Variants in RPH3A observed in about 807,000 individuals in gnomAD.
RPH3A encodes rabphilin-3A.
A neutral mutation model predicts 102.2 loss-of-function variants in RPH3A; 48 were observed. The observed-to-expected ratio is 0.47, with a 90% confidence interval of 0.37 to 0.60. RPH3A has a LOEUF of 0.60. Among genes scored for constraint, RPH3A ranks in the 20% least tolerant of loss-of-function variants. The probability of loss-of-function intolerance (pLI) is 0.00; values close to 1 mark genes in which losing one functional copy is unlikely to be tolerated. For synonymous variants in RPH3A, 310 were observed against 324.3 expected (o/e 0.96, Z 0.47); for missense variants, 781 against 910.1 (o/e 0.86, Z 1.83).
chr12:112,703,829 G>A (rs2040410271), intron 1 of RPH3A, among the ~76,000 whole-genome samples: 1 of 152,178 alleles, frequency 6.6e-6, no homozygotes, highest in African/African-American at 2.4e-5. Flanking sequence ...TTCCTCCTGT[G>A]TCTTCATTCA....
intron 1 of RPH3A, among the ~76,000 whole-genome samples, chr12:112,616,747 A>G (rs2039683006): frequency 1.3e-5 from 2 of 152,198 alleles, no homozygotes; most frequent in Non-Finnish European, 2.9e-5. Context: ...TTCTCACCTG[A>G]TCTCTTAAGT....
chr12:112,703,415 G>A (rs1052862078), intron 1 of RPH3A, among the ~76,000 whole-genome samples: 1 of 152,124 alleles, frequency 6.6e-6, no homozygotes, highest in African/African-American at 2.4e-5. Context: ...CCAACTTTTA[G>A]GCTAATTTAA....
intron 1 of RPH3A, among the ~76,000 whole-genome samples, chr12:112,583,332 C>T (rs201958661): frequency 2.6e-5 from 4 of 152,108 alleles, no homozygotes; most frequent in South Asian, 2.1e-4. Flanking sequence ...ATTTTGCAGA[C>T]GAGGAAACTG....
At chr12:112,871,015 G>A (rs988019080) in intron 10 of RPH3A, among the ~76,000 whole-genome samples, 7 of 152,198 alleles carry the variant, frequency 4.6e-5, no homozygotes, top group Non-Finnish European at 4.4e-5. Context: ...ACAGAATGGA[G>A]AAACTGAGCC....
intron 17 of RPH3A, among the ~76,000 whole-genome samples, chr12:112,889,038 G>A (rs987136525): frequency 2.6e-5 from 4 of 152,242 alleles, no homozygotes; most frequent in African/African-American, 2.4e-5. Flanking sequence ...GCTATGGGGT[G>A]CAGGAGCATC....
chr12:112,734,006 A>C (rs2040651611), intron 1 of RPH3A, among the ~76,000 whole-genome samples: 1 of 152,214 alleles, frequency 6.6e-6, no homozygotes, highest in Non-Finnish European at 1.5e-5. Context: ...TGGCCTCTAC[A>C]CAGCTCTTTG....
rs770468242 is a variant in RPH3A at position 112,848,011 on chromosome 12, G to A, written c.230+169G>A. Among the ~76,000 whole-genome samples, 3 of 152,292 alleles carry A rather than the reference G, an allele frequency of 2.0e-5. No homozygotes were observed. The East Asian group carries it at 5.8e-4, about 29-fold the overall frequency. ...CCCACCCCCTTCCCCACTGGCAGACGTGGGATCTTTGTTGCATGAGTTGGG... is the reference window on the plus strand; with the variant it reads ...CCCACCCCCTTCCCCACTGGCAGACATGGGATCTTTGTTGCATGAGTTGGG... On this transcript the variant is annotated intron_variant, in intron 5 of 21. Coordinates refer to ENST00000389385, the MANE Select transcript of RPH3A (RefSeq NM_001143854.2).
At chr12:112,583,545 C>A (rs1252641373) in intron 1 of RPH3A, among the ~76,000 whole-genome samples, 1 of 152,120 alleles carries the variant, frequency 6.6e-6, no homozygotes, top group African/African-American at 2.4e-5. Context: ...AAGAAGGAAC[C>A]ATCCTTTGCA....
At chr12:112,647,708 A>G (rs543810215) in intron 1 of RPH3A, among the ~76,000 whole-genome samples, 31 of 152,164 alleles carry the variant, frequency 2.0e-4, no homozygotes, top group African/African-American at 6.5e-4. Flanking sequence ...AGCCATGTGG[A>G]TATACATAGG....
chr12:112,858,282 A>G lies in RPH3A; in HGVS notation c.231-7132A>G, dbSNP rs941884694. ...ACCCTGTCTCAAAAAAAAAAAAAAA[A>G]AAAAAAAAAAAAGAAAAGAAAAGAA... On this transcript the variant is annotated intron_variant, in intron 5 of 21. Transcript: ENST00000389385. Among the ~76,000 whole-genome samples, 57 of 150,352 alleles carry G rather than the reference A, an allele frequency of 3.8e-4. No homozygotes were observed. The South Asian group carries it at 0.012, about 31-fold the overall frequency.
chr12:112,744,136 T>C (rs375478497), intron 1 of RPH3A, among the ~76,000 whole-genome samples: 7 of 152,118 alleles, frequency 4.6e-5, no homozygotes, highest in East Asian at 1.9e-4. Flanking sequence ...ATTGCAGTGG[T>C]GCGATCTCGG....
At chr12:112,802,163 C>T (rs1464340855) in intron 2 of RPH3A, among the ~76,000 whole-genome samples, 3 of 152,188 alleles carry the variant, frequency 2.0e-5, no homozygotes, top group Non-Finnish European at 2.9e-5. Flanking sequence ...CAGGTAGATG[C>T]TTTGCTCTTT....
At chr12:112,867,027 T>C (rs1212043117) in intron 7 of RPH3A, among the ~76,000 whole-genome samples, 187 bp downstream of exon 7, 2 of 152,012 alleles carry the variant, frequency 1.3e-5, no homozygotes, top group Non-Finnish European at 2.9e-5. Context: ...CTTCCCATCC[T>C]CTCTTCTTCC....
At chr12:112,875,805 G>C (rs368868679) in intron 12 of RPH3A, 64 bp downstream of exon 12, 25 of 1,473,326 alleles carry the variant, frequency 1.7e-5, no homozygotes, top group Non-Finnish European at 2.4e-5. Context: ...CCCTGAGAGA[G>C]AGCAGGCAGC....
intron 1 of RPH3A, among the ~76,000 whole-genome samples, chr12:112,654,853 G>A (rs552183506): frequency 6.6e-6 from 1 of 152,304 alleles, no homozygotes; most frequent in African/African-American, 2.4e-5. Flanking sequence ...ATATTGGGAT[G>A]AAGATCACCA....
At chr12:112,828,412 G>A in intron 3 of RPH3A, 23 bp downstream of exon 3, 1 of 1,578,412 alleles carries the variant, frequency 6.3e-7, no homozygotes, top group Non-Finnish European at 8.6e-7. Context: ...ATCTTCCTGG[G>A]AGTGGCTTGT....
At chr12:112,749,802 G>A (rs952879335) in intron 1 of RPH3A, among the ~76,000 whole-genome samples, 1 of 152,166 alleles carries the variant, frequency 6.6e-6, no homozygotes, top group Non-Finnish European at 1.5e-5. Flanking sequence ...CAGACTAATA[G>A]TTTGTTTATA....
At chr12:112,780,497 T>C (rs1396112363) in intron 1 of RPH3A, among the ~76,000 whole-genome samples, 1 of 152,156 alleles carries the variant, frequency 6.6e-6, no homozygotes, top group Non-Finnish European at 1.5e-5. Context: ...TTTCACCTGT[T>C]AGGGATAAGC....
intron 2 of RPH3A, among the ~76,000 whole-genome samples, chr12:112,826,966 A>T (rs1234102353): frequency 6.6e-6 from 1 of 152,206 alleles, no homozygotes; most frequent in Non-Finnish European, 1.5e-5. Flanking sequence ...TCTCAGGTAT[A>T]TACCTGAGTA....
Sources: gnomAD v4.1 joint callset for allele counts (sites outside exome capture counted in the v4.1 genomes callset) on GRCh38, gnomAD v4.1.1 for gene constraint, MANE v1.5 for transcripts, NCBI Gene and HGNC (gene_info 2026-07-23, HGNC 2026-07-21) for gene names.